Variants in WNK3 observed in about 807,000 individuals in gnomAD.
The protein encoded by WNK3 is serine/threonine-protein kinase WNK3.
WNK3 carries 18 observed loss-of-function variants against 116.7 expected under a neutral mutation model. The ratio of observed to expected loss-of-function variants is 0.15; its 90% CI spans 0.11 to 0.23. The LOEUF (loss-of-function observed/expected upper bound fraction) is 0.23. Among genes scored for constraint, WNK3 ranks in the 10% least tolerant of loss-of-function variants. The pLI is 1.00. For synonymous variants in WNK3, 404 were observed against 469.4 expected, an observed-to-expected ratio of 0.86 and a Z score of 1.80; for missense variants, 993 against 1,323.8, an observed-to-expected ratio of 0.75 and a Z score of 3.88.
intron 13 of WNK3, 100 bp downstream of exon 13, chrX:54,253,855 AATCG>A (rs2068162410): frequency 1.7e-6 from 1 of 571,562 alleles, no homozygotes; most frequent in South Asian, 3.9e-5. Context: ...TTTTAAAACT[AATCG>A]TACTCTAAAA....
chrX:54,219,669 CAAAAAAAAAAAAAAA>C (rs34431672), intron 22 of WNK3, among the ~76,000 whole-genome samples: 77 of 15,198 alleles, frequency 5.1e-3, no homozygotes, highest in East Asian at 0.044. Flanking sequence ...CTCCATCTCC[CAAAAAAAAAAAAAAA>C]AAAAAAAAAA....
intron 22 of WNK3, among the ~76,000 whole-genome samples, chrX:54,225,726 C>T (rs928902188): frequency 9.1e-6 from 1 of 109,677 alleles, no homozygotes; most frequent in South Asian, 3.9e-4. Flanking sequence ...GATAACAATA[C>T]TCCCCAAATT....
chrX:54,293,259 C>T (rs1557165537), exon 9 of WNK3: 3 of 1,210,198 alleles, frequency 2.5e-6, no homozygotes, highest in Non-Finnish European at 3.4e-6. Flanking sequence ...GAGGAATAGG[C>T]TACACTGGGC....
intron 10 of WNK3, among the ~76,000 whole-genome samples, chrX:54,269,893 C>A (rs190751789): frequency 6.9e-4 from 75 of 109,448 alleles, no homozygotes; most frequent in Middle Eastern, 9.4e-3. Flanking sequence ...AATGTATATA[C>A]CTTTGTAAAA....
At chrX:54,354,833 C>G (rs1557179116) in intron 1 of WNK3, among the ~76,000 whole-genome samples, 1 of 111,293 alleles carries the variant, frequency 9.0e-6, no homozygotes. Flanking sequence ...CCTGTAATCC[C>G]AGCACTTTGG....
chrX:54,211,382 C>T (rs2067610680), intron 22 of WNK3, among the ~76,000 whole-genome samples: 1 of 104,560 alleles, frequency 9.6e-6, no homozygotes, highest in African/African-American at 3.5e-5. Flanking sequence ...GCAGAGGTTG[C>T]AGTGAGTCAA....
At chrX:54,357,873 C>T (rs1034604440) in exon 1 of WNK3, 1 of 112,807 alleles carries the variant, frequency 8.9e-6, no homozygotes, top group Admixed American at 9.3e-5. Flanking sequence ...AGCTCCGCTC[C>T]GCGTCGTGTG....
At chrX:54,270,831 T>C (rs1557159109) in intron 10 of WNK3, among the ~76,000 whole-genome samples, 1 of 111,342 alleles carries the variant, frequency 9.0e-6, no homozygotes, top group Non-Finnish European at 1.9e-5. Flanking sequence ...GAACATGCGG[T>C]GTTTGGTGTT....
intron 1 of WNK3, among the ~76,000 whole-genome samples, chrX:54,352,126 G>C (rs781892862): frequency 1.4e-4 from 15 of 110,979 alleles, no homozygotes; most frequent in Non-Finnish European, 2.8e-4. Flanking sequence ...AATACAAATA[G>C]TCAACACGCC....
intron 10 of WNK3, among the ~76,000 whole-genome samples, chrX:54,268,630 A>C (rs868986208): frequency 2.1e-4 from 24 of 111,958 alleles, no homozygotes; most frequent in African/African-American, 7.1e-4. Flanking sequence ...TGGCCAGAAA[A>C]TAAGGAAGTG....
exon 2 of WNK3, chrX:54,333,587 G>A (rs1557174795): frequency 4.1e-6 from 5 of 1,206,130 alleles, no homozygotes; most frequent in East Asian, 5.9e-5. Context: ...AAGTTGCAGC[G>A]ACCTGGGGAA....
intron 2 of WNK3, among the ~76,000 whole-genome samples, chrX:54,317,129 C>T (rs1277729311): frequency 9.1e-6 from 1 of 109,442 alleles, no homozygotes; most frequent in Non-Finnish European, 1.9e-5. Context: ...AAATGAAATT[C>T]TGATACATGC....
chrX:54,333,617 T>A, exon 2 of WNK3: 1 of 1,205,054 alleles, frequency 8.3e-7, no homozygotes, highest in Non-Finnish European at 1.1e-6. Flanking sequence ...CAAATGAAAT[T>A]CCATCAGGTT....
intron 22 of WNK3, among the ~76,000 whole-genome samples, chrX:54,222,651 C>A (rs1188033070): frequency 9.3e-6 from 1 of 107,779 alleles, no homozygotes; most frequent in Non-Finnish European, 1.9e-5. Flanking sequence ...CTGAGGTGGG[C>A]AGATCACCTG....
At chrX:54,289,759 G>A (rs1237139443) in intron 10 of WNK3, among the ~76,000 whole-genome samples, 1 of 111,266 alleles carries the variant, frequency 9.0e-6, no homozygotes, top group Non-Finnish European at 1.9e-5. Context: ...GAGCTGAGCT[G>A]TACTAGCAGC....
chrX:54,305,588 T>C (rs186639173), intron 5 of WNK3, among the ~76,000 whole-genome samples: 2 of 111,302 alleles, frequency 1.8e-5, no homozygotes, highest in Non-Finnish European at 1.9e-5. Context: ...ACATTCTGGA[T>C]TGTAGCCTTA....
Position 54,293,118 on chromosome X carries a change from T to C in WNK3, c.1887+16A>G. 7 of 1,187,697 alleles carry C rather than the reference T, an allele frequency of 5.9e-6. 1 individual carries two copies. Among genetic ancestry groups the C allele is most frequent in the Non-Finnish European group, 1.1e-6 (1 of 884,376 alleles). On this transcript the variant is annotated intron_variant, in intron 9 of 23. Coordinates refer to ENST00000354646, the Ensembl canonical transcript of WNK3. Reference sequence around the variant, plus strand: ...TACACTGATTATATATTTAAAAATATAACAGTTCACCTCACCCCTGAAACT... The same window carrying C: ...TACACTGATTATATATTTAAAAATACAACAGTTCACCTCACCCCTGAAACT...
chrX:54,207,022 G>A (rs993876398), intron 22 of WNK3, among the ~76,000 whole-genome samples: 5 of 109,555 alleles, frequency 4.6e-5, no homozygotes, highest in Admixed American at 2.0e-4. Flanking sequence ...GAGCAAGACC[G>A]TGTCTCAGAA....
intron 22 of WNK3, among the ~76,000 whole-genome samples, chrX:54,221,323 C>T (rs189001082): frequency 1.5e-4 from 17 of 111,962 alleles, no homozygotes; most frequent in Non-Finnish European, 2.8e-4. Context: ...TATAAATGTA[C>T]TTTGTATTTA....
Sources: gnomAD v4.1 joint callset for allele counts (sites outside exome capture counted in the v4.1 genomes callset) on GRCh38, gnomAD v4.1.1 for gene constraint, MANE v1.5 for transcripts, NCBI Gene and HGNC (gene_info 2026-07-23, HGNC 2026-07-21) for gene names.